The following CNOT6L variants were observed in gnomAD, a reference collection of about 807,000 sequenced individuals.
The protein encoded by CNOT6L is CCR4-NOT transcription complex subunit 6-like.
CNOT6L carries 7 observed loss-of-function variants against 64.0 expected under a neutral mutation model. That is an observed-to-expected ratio of 0.11 (90% CI 0.06 to 0.21). The LOEUF (loss-of-function observed/expected upper bound fraction) is 0.21, where lower values mean the gene tolerates loss of function less well. Ranked by LOEUF, CNOT6L falls within the 10% of genes least tolerant of loss-of-function variation. CNOT6L has a pLI of 1.00. For missense variants in CNOT6L, 245 were observed against 669.0 expected (o/e 0.37, Z 6.99); for synonymous variants, 193 against 243.4 (o/e 0.79, Z 1.93).
chr4:77,820,157 C>A (rs1734117999), upstream of CNOT6L, among the ~76,000 whole-genome samples: 1 of 152,026 alleles, frequency 6.6e-6, no homozygotes. Flanking sequence ...CGTTCACACC[C>A]CCGAGGGCCG....
chr4:77,720,381 C>T lies in CNOT6L; in HGVS notation c.*50G>A, dbSNP rs1721153203. 1.3e-6 allele frequency: 2 copies of T among 1,587,198 alleles called. No individual in the cohort carries two copies. The highest frequency in any genetic ancestry group is 1.3e-5 in the African/African-American group (1 of 74,436). On this transcript the variant is annotated 3_prime_UTR_variant, in exon 12 of 12. Coordinates refer to ENST00000504123, the MANE Select transcript of CNOT6L (RefSeq NM_144571.3). ...CACTCCTACATACTTTGATTTACAA[C>T]TGTACAGGTCCATAGCAACAGATCC...
intron 1 of CNOT6L, among the ~76,000 whole-genome samples, chr4:77,784,732 C>T (rs926206063): frequency 2.0e-5 from 3 of 152,160 alleles, no homozygotes; most frequent in Admixed American, 2.0e-4. Flanking sequence ...GATCTGCCCA[C>T]CTCAGCCTCC....
chr4:77,753,810 C>A (rs1725136642), intron 5 of CNOT6L, among the ~76,000 whole-genome samples: 1 of 150,228 alleles, frequency 6.7e-6, no homozygotes, highest in African/African-American at 2.4e-5. Context: ...TACAAAAAAA[C>A]CATCAATATA....
intron 4 of CNOT6L, among the ~76,000 whole-genome samples, chr4:77,760,728 T>G (rs943040167): frequency 5.3e-5 from 8 of 151,456 alleles, no homozygotes; most frequent in African/African-American, 1.9e-4. Flanking sequence ...AAAGGAAATT[T>G]TTTTTTTTTT....
Position 77,756,965 on chromosome 4 carries a change from C to A in CNOT6L, c.401-14G>T. The stretch of plus-strand genomic sequence containing the variant: ...ATAAAGGATTGCCTAAAGCAGAAGA[C>A]AAAAATAAAACCTTTAAAACTTATA... On this transcript the variant is annotated splice_polypyrimidine_tract_variant and intron_variant, in intron 4 of 11. Transcript: ENST00000504123. 6.7e-7 allele frequency: 1 copy of A among 1,499,140 alleles called. No individual in the cohort carries two copies. The allele number at this position is 1,499,140 out of a possible 1,614,324, so 92.9% of individuals were successfully genotyped here.
intron 5 of CNOT6L, among the ~76,000 whole-genome samples, chr4:77,749,373 T>C (rs563452587): frequency 6.6e-6 from 1 of 152,278 alleles, no homozygotes; most frequent in South Asian, 2.1e-4. Context: ...ATCTTCTGGC[T>C]ATGTGAGTGC....
rs560039835 is a variant in CNOT6L at position 77,727,734 on chromosome 4, T to A, written c.1252+1120A>T. Reference sequence around the variant, plus strand: ...AACTAACTGGTTTTAACAAATCAAATACAATGGGAGAAAAACTTGCACTTG... The same window carrying A: ...AACTAACTGGTTTTAACAAATCAAAAACAATGGGAGAAAAACTTGCACTTG... On this transcript the variant is annotated intron_variant, in intron 10 of 11. Transcript: ENST00000504123. Among the ~76,000 whole-genome samples the A allele has an allele frequency of 2.2e-4, 33 of 152,196 alleles. No homozygotes were observed. In the South Asian group the frequency reaches 6.8e-3, roughly 32 times the overall value.
chr4:77,819,131 A>G, intron 1 of CNOT6L, 173 bp downstream of exon 1: 1 of 1,205,472 alleles, frequency 8.3e-7, no homozygotes, highest in Admixed American at 2.1e-5. Context: ...CGCCCCCTCC[A>G]GTCACCCGAC....
At chr4:77,783,414 C>G (rs1168744368) in intron 1 of CNOT6L, among the ~76,000 whole-genome samples, 1 of 152,198 alleles carries the variant, frequency 6.6e-6, no homozygotes, top group East Asian at 1.9e-4. Context: ...AAAAGCTATA[C>G]AGTATTTTGC....
At chr4:77,727,501 G>A (rs1358801796) in intron 10 of CNOT6L, among the ~76,000 whole-genome samples, 1 of 142,840 alleles carries the variant, frequency 7.0e-6, no homozygotes, top group African/African-American at 2.6e-5. Flanking sequence ...GGGAGGCAGA[G>A]GTTGCAGTCA....
chr4:77,761,768 C>A (rs1022527832), intron 4 of CNOT6L, among the ~76,000 whole-genome samples: 2 of 151,934 alleles, frequency 1.3e-5, no homozygotes, highest in African/African-American at 2.4e-5. Context: ...GAGGTCCTAG[C>A]CAATGTGATA....
intron 1 of CNOT6L, among the ~76,000 whole-genome samples, chr4:77,803,854 G>A (rs1270937685): frequency 6.6e-6 from 1 of 151,700 alleles, no homozygotes; most frequent in East Asian, 1.9e-4. Context: ...AGTGAGCCGA[G>A]ATCATGCTAT....
rs1049921102 is a variant in CNOT6L, at chr4:77,716,209, T to G, written c.*4222A>C. 10 of 152,142 alleles carry G rather than the reference T, an allele frequency of 6.6e-5. No homozygotes were observed. The highest frequency in any genetic ancestry group is 5.9e-5 in the Non-Finnish European group (4 of 68,004). The allele number at this position is 152,142 out of a possible 1,614,324, so 9.4% of individuals were successfully genotyped here. ...AAAATGTAAGTATGTATGAGTGCTA[T>G]TTTGAAAATGTGCCATAAAGTCTTT... On this transcript the variant is annotated 3_prime_UTR_variant, in exon 12 of 12. Transcript: ENST00000504123.
rs1721079637 is a variant in CNOT6L, at chr4:77,719,580, A to C, written c.*851T>G. On this transcript the variant is annotated 3_prime_UTR_variant, in exon 12 of 12. Transcript: ENST00000504123. The stretch of plus-strand genomic sequence containing the variant: ...TAACATCTGTTTTCCTGGCACAACC[A>C]GACAGAAGGTTGAATTGGAATAAGG... 1 of 152,646 alleles carries C rather than the reference A, an allele frequency of 6.6e-6. No homozygotes were observed. The highest frequency in any genetic ancestry group is 6.5e-5 in the Admixed American group (1 of 15,272). 9.5% of individuals were successfully genotyped at this position (152,646 alleles called of 1,614,324 possible).
At position 77,714,238 on chromosome 4, in the gene CNOT6L, A is replaced by C. The variant is rs1159750249; in HGVS notation, c.*6193T>G. ...GCAAAATAATGAATTCTTTAACTTA[A>C]TGCCAGGTAATGAAAATAAATGAAC... On this transcript the variant is annotated 3_prime_UTR_variant, in exon 12 of 12. Transcript: ENST00000504123. 6.6e-6 allele frequency: 1 copy of C among 152,488 alleles called. No individual in the cohort carries two copies. Among genetic ancestry groups the C allele is most frequent in the African/African-American group, 2.4e-5 (1 of 41,400 alleles). The allele number at this position is 152,488 out of a possible 1,614,324, so 9.4% of individuals were successfully genotyped here.
chr4:77,798,977 T>A (rs1731190844), intron 1 of CNOT6L, among the ~76,000 whole-genome samples: 2 of 151,550 alleles, frequency 1.3e-5, no homozygotes, highest in Admixed American at 6.6e-5. Context: ...AGACCCTATC[T>A]CAAAAAAAGA....
At chr4:77,773,833 A>C (rs1409365481) in intron 3 of CNOT6L, among the ~76,000 whole-genome samples, 1 of 152,180 alleles carries the variant, frequency 6.6e-6, no homozygotes, top group East Asian at 1.9e-4. Context: ...AGAATAGGAT[A>C]GCATAAATAA....
chr4:77,784,392 T>G (rs1461276063), intron 1 of CNOT6L, among the ~76,000 whole-genome samples: 1 of 152,204 alleles, frequency 6.6e-6, no homozygotes, highest in Non-Finnish European at 1.5e-5. Flanking sequence ...GCTTATGATT[T>G]TCCTCCCAGA....
chr4:77,725,395 G>C (rs1158660737), intron 11 of CNOT6L, among the ~76,000 whole-genome samples: 1 of 152,130 alleles, frequency 6.6e-6, no homozygotes, highest in Non-Finnish European at 1.5e-5. Flanking sequence ...TTCTACTATA[G>C]ATGCCTGAAA....
Sources: gnomAD v4.1 joint callset for allele counts (sites outside exome capture counted in the v4.1 genomes callset) on GRCh38, gnomAD v4.1.1 for gene constraint, MANE v1.5 for transcripts, NCBI Gene and HGNC (gene_info 2026-07-23, HGNC 2026-07-21) for gene names.